Variants in CERS6 observed in about 807,000 individuals in gnomAD.
CERS6 encodes the protein LAG1 homolog, ceramide synthase 6.
A neutral mutation model predicts 56.8 loss-of-function variants in CERS6; 26 were observed. That is an observed-to-expected ratio of 0.46 (90% confidence interval 0.34 to 0.63). CERS6 has a LOEUF of 0.63. CERS6 is among the 30% of genes least tolerant of loss of function. CERS6 has a pLI of 0.01. For synonymous variants in CERS6, 164 were observed against 173.3 expected, an observed-to-expected ratio of 0.95 and a Z score of 0.42; for missense variants, 415 against 467.5, an observed-to-expected ratio of 0.89 and a Z score of 1.04.
intron 1 of CERS6, among the ~76,000 whole-genome samples, chr2:168,470,721 T>G (rs780213337): frequency 1.3e-5 from 2 of 152,204 alleles, no homozygotes; most frequent in East Asian, 1.9e-4. Flanking sequence ...AAAACAGATA[T>G]GCAGGTGGTG....
chr2:168,699,147 C>A (rs1317496485), intron 6 of CERS6, among the ~76,000 whole-genome samples: 1 of 152,170 alleles, frequency 6.6e-6, no homozygotes, highest in Non-Finnish European at 1.5e-5. Context: ...GCAGTTCCAT[C>A]CTTATTCCGC....
chr2:168,695,101 C>T (rs766034060), intron 6 of CERS6, 50 bp downstream of exon 6: 6 of 1,452,388 alleles, frequency 4.1e-6, no homozygotes, highest in Non-Finnish European at 5.8e-6. Context: ...TCTTTAATGG[C>T]CCTTAGCAGG....
chr2:168,596,679 G>T (rs1276247457), intron 3 of CERS6, among the ~76,000 whole-genome samples: 1 of 150,204 alleles, frequency 6.7e-6, no homozygotes, highest in Non-Finnish European at 1.5e-5. Context: ...TCAGCTTCCC[G>T]AGTAGCTGGG....
intron 8 of CERS6, among the ~76,000 whole-genome samples, chr2:168,722,482 G>C (rs1038067405): frequency 2.0e-5 from 3 of 152,076 alleles, no homozygotes; most frequent in Non-Finnish European, 4.4e-5. Flanking sequence ...AGGTATCCAA[G>C]TTCATTCTTG....
chr2:168,587,539 A>G (rs1253127331), intron 3 of CERS6, among the ~76,000 whole-genome samples: 1 of 152,190 alleles, frequency 6.6e-6, no homozygotes, highest in Non-Finnish European at 1.5e-5. Context: ...CTCAATGTCA[A>G]GTGATGATTG....
intron 1 of CERS6, among the ~76,000 whole-genome samples, chr2:168,510,023 A>G (rs1484272904): frequency 2.6e-5 from 4 of 152,170 alleles, no homozygotes; most frequent in Non-Finnish European, 5.9e-5. Context: ...CCCAAAAAAT[A>G]TAATCACAAG....
At chr2:168,754,760 T>A (rs988923702) in intron 8 of CERS6, among the ~76,000 whole-genome samples, 1 of 152,190 alleles carries the variant, frequency 6.6e-6, no homozygotes, top group Non-Finnish European at 1.5e-5. Flanking sequence ...GACTATACAT[T>A]CTCTGTTTGT....
At chr2:168,663,640 G>A (rs542974244) in intron 4 of CERS6, among the ~76,000 whole-genome samples, 10 of 152,002 alleles carry the variant, frequency 6.6e-5, no homozygotes, top group South Asian at 6.2e-4. Context: ...ATATTGTATC[G>A]TTCACATTAT....
intron 4 of CERS6, among the ~76,000 whole-genome samples, chr2:168,657,290 G>C (rs1246881115): frequency 6.6e-6 from 1 of 152,214 alleles, no homozygotes; most frequent in Non-Finnish European, 1.5e-5. Flanking sequence ...CTAAACACAG[G>C]GTGCTGATTG....
chr2:168,495,247 G>T (rs1012121976), intron 1 of CERS6, among the ~76,000 whole-genome samples: 13 of 152,204 alleles, frequency 8.5e-5, no homozygotes, highest in Non-Finnish European at 1.9e-4. Context: ...TGGAAGCGGT[G>T]AGGAGTATGT....
chr2:168,689,487 T>G (rs909267045), intron 4 of CERS6, among the ~76,000 whole-genome samples: 7 of 152,316 alleles, frequency 4.6e-5, no homozygotes, highest in African/African-American at 1.7e-4. Context: ...TATTCTTTAT[T>G]TTTTACATCT....
At chr2:168,683,700 C>T (rs1022605977) in intron 4 of CERS6, among the ~76,000 whole-genome samples, 11 of 152,202 alleles carry the variant, frequency 7.2e-5, no homozygotes, top group African/African-American at 2.4e-4. Context: ...CTGTTCTAAA[C>T]ATGGAATTGA....
rs191444063 is a variant in CERS6, at chr2:168,767,945, G to A, written c.1003-1565G>A. Among the ~76,000 whole-genome samples the A allele has an allele frequency of 4.7e-3, 723 of 152,282 alleles. 4 individuals carry two copies. The highest frequency in any genetic ancestry group is 7.9e-3 in the Non-Finnish European group (535 of 68,014). On this transcript the variant is annotated intron_variant, in intron 9 of 9. Transcript: ENST00000305747. ...TCACACCACTGAAAAATATAAGTAA[G>A]CAGTGATGAGTTACTCAAGAATCTT...
intron 6 of CERS6, among the ~76,000 whole-genome samples, chr2:168,699,133 C>A (rs187163972): frequency 3.5e-4 from 54 of 152,270 alleles, no homozygotes; most frequent in African/African-American, 1.0e-3. Context: ...CCCATGGGTC[C>A]TTGGCAGTTC....
chr2:168,655,761 A>G (rs899524935), intron 4 of CERS6, among the ~76,000 whole-genome samples: 3 of 152,262 alleles, frequency 2.0e-5, no homozygotes, highest in African/African-American at 7.2e-5. Flanking sequence ...ACAAAGTAGC[A>G]GATATGTAGA....
intron 4 of CERS6, among the ~76,000 whole-genome samples, chr2:168,633,345 C>G (rs958116867): frequency 8.5e-5 from 13 of 152,114 alleles, no homozygotes; most frequent in African/African-American, 3.1e-4. Context: ...TAGAATTCAT[C>G]TGACTGAAAT....
At chr2:168,743,362 G>A (rs989378658) in intron 8 of CERS6, among the ~76,000 whole-genome samples, 5 of 151,988 alleles carry the variant, frequency 3.3e-5, no homozygotes, top group Admixed American at 6.6e-5. Flanking sequence ...TTGGCTGGGC[G>A]CAGTGCTCAC....
intron 8 of CERS6, among the ~76,000 whole-genome samples, chr2:168,731,802 A>T (rs779806012): frequency 3.9e-5 from 6 of 152,028 alleles, no homozygotes; most frequent in Non-Finnish European, 8.8e-5. Flanking sequence ...TTCATAACAA[A>T]CTCCTTGTCT....
intron 8 of CERS6, among the ~76,000 whole-genome samples, chr2:168,747,571 T>C (rs956308978): frequency 1.3e-5 from 2 of 152,194 alleles, no homozygotes; most frequent in Non-Finnish European, 2.9e-5. Flanking sequence ...ATAGCCAAAT[T>C]ATTTTCTATG....
Sources: allele counts gnomAD v4.1 joint callset (sites outside exome capture counted in the v4.1 genomes callset), GRCh38; gene constraint gnomAD v4.1.1; transcripts MANE v1.5; gene names NCBI Gene and HGNC (gene_info 2026-07-23, HGNC 2026-07-21).